The following MLANA variants were observed in gnomAD, a reference collection of about 807,000 sequenced individuals.
MLANA encodes melan-A, also known as melanoma antigen recognized by T-cells 1.
A neutral mutation model predicts 15.7 loss-of-function variants in MLANA; 21 were observed. The ratio of observed to expected loss-of-function variants is 1.33; its 90% CI spans 0.95 to 1.92. MLANA has a LOEUF of 1.92. MLANA is among the 40% of genes most tolerant of loss of function. The pLI, the probability that MLANA is intolerant of heterozygous loss-of-function variation, is 0.00. For missense variants in MLANA, 164 were observed against 143.8 expected, an observed-to-expected ratio of 1.14 and a Z score of -0.72; for synonymous variants, 56 against 51.5, an observed-to-expected ratio of 1.09 and a Z score of -0.37.
Position 5,908,624 on chromosome 9 carries a change from T to G in MLANA, c.289-16T>G, listed in dbSNP as rs770056915. The stretch of plus-strand genomic sequence containing the variant: ...ACTGTTGCCAAGCCCATATTCTCCC[T>G]TTCTTGTTCTCACAGGTTCCCAATG... On this transcript the variant is annotated splice_polypyrimidine_tract_variant and intron_variant, in intron 4 of 4. Coordinates refer to ENST00000381477, the MANE Select transcript of MLANA (RefSeq NM_005511.2). 1.2e-6 allele frequency: 2 copies of G among 1,612,034 alleles called. No homozygotes were observed. Among genetic ancestry groups the G allele is most frequent in the African/African-American group, 2.7e-5 (2 of 74,884 alleles).
At chr9:5,906,072 T>A (rs528114254) in intron 3 of MLANA, among the ~76,000 whole-genome samples, 13 of 151,894 alleles carry the variant, frequency 8.6e-5, no homozygotes, top group African/African-American at 2.9e-4. Flanking sequence ...GACAAATATG[T>A]TGGGTGCAGT....
chr9:5,900,065 T>C (rs1272195397), intron 3 of MLANA, among the ~76,000 whole-genome samples: 4 of 152,266 alleles, frequency 2.6e-5, no homozygotes, highest in African/African-American at 4.8e-5. Flanking sequence ...GAAGTAAAGC[T>C]ATACAAACTC....
At chr9:5,900,215 G>A (rs1178602050) in intron 3 of MLANA, among the ~76,000 whole-genome samples, 5 of 152,046 alleles carry the variant, frequency 3.3e-5, no homozygotes, top group Non-Finnish European at 7.4e-5. Context: ...TTAATGTCAT[G>A]TGCTCAGACA....
intron 4 of MLANA, among the ~76,000 whole-genome samples, chr9:5,908,115 C>T (rs1412855530): frequency 6.6e-6 from 1 of 152,172 alleles, no homozygotes; most frequent in African/African-American, 2.4e-5. Context: ...GTTGTGTGAC[C>T]ATGGGCAAGC....
intron 3 of MLANA, among the ~76,000 whole-genome samples, chr9:5,898,503 T>C (rs1283592220): frequency 6.6e-6 from 1 of 152,196 alleles, no homozygotes; most frequent in Non-Finnish European, 1.5e-5. Context: ...AAGTTTCCAA[T>C]ACACGAATTT....
intron 3 of MLANA, chr9:5,898,211 TA>T (rs940181808): frequency 6.6e-6 from 1 of 151,834 alleles, no homozygotes; most frequent in Non-Finnish European, 1.5e-5. Context: ...ACCGGCTAAT[TA>T]AAAAAAAACT....
At chr9:5,904,745 G>A (rs1023363266) in intron 3 of MLANA, among the ~76,000 whole-genome samples, 55 of 150,064 alleles carry the variant, frequency 3.7e-4, no homozygotes, top group Non-Finnish European at 6.6e-4. Context: ...GATTACAGGC[G>A]TGAGCCACCG....
chr9:5,902,003 A>C (rs1301175790), intron 3 of MLANA, among the ~76,000 whole-genome samples: 1 of 118,364 alleles, frequency 8.4e-6, no homozygotes, highest in Non-Finnish European at 2.0e-5. Context: ...GTCTGGTATT[A>C]GGGTAATGCT....
At chr9:5,901,653 G>T (rs991376049) in intron 3 of MLANA, among the ~76,000 whole-genome samples, 26 of 151,968 alleles carry the variant, frequency 1.7e-4, no homozygotes, top group African/African-American at 6.0e-4. Flanking sequence ...CAAGTAGCTG[G>T]GACCACAGGT....
chr9:5,897,703 T>C, intron 3 of MLANA, 50 bp downstream of exon 3: 2 of 1,433,418 alleles, frequency 1.4e-6, no homozygotes, highest in Non-Finnish European at 2.0e-6. Flanking sequence ...GGGCCCTCTT[T>C]CCAGTTCTTT....
chr9:5,896,922 C>T (rs377196655), intron 2 of MLANA, among the ~76,000 whole-genome samples: 4 of 152,264 alleles, frequency 2.6e-5, no homozygotes, highest in African/African-American at 7.2e-5. Context: ...AGGAGCAAAG[C>T]GGGGAGTTTA....
At chr9:5,900,769 AG>A (rs1832361764) in intron 3 of MLANA, among the ~76,000 whole-genome samples, 1 of 152,272 alleles carries the variant, frequency 6.6e-6, no homozygotes, top group Admixed American at 6.5e-5. Context: ...TTGTAGCAAC[AG>A]GAAGTGGGAA....
At position 5,910,294 on chromosome 9, in the gene MLANA, C is replaced by A. The variant is rs1224576908; in HGVS notation, c.*1586C>A. 1 of 152,092 alleles carries A rather than the reference C, an allele frequency of 6.6e-6. No individual in the cohort carries two copies. Among genetic ancestry groups the A allele is most frequent in the Non-Finnish European group, 1.5e-5 (1 of 68,024 alleles). The allele number at this position is 152,092 out of a possible 1,614,324, so 9.4% of individuals were successfully genotyped here. On this transcript the variant is annotated 3_prime_UTR_variant, in exon 5 of 5. Coordinates refer to ENST00000381477, the MANE Select transcript of MLANA (RefSeq NM_005511.2). Reference sequence around the variant, plus strand: ...TGTAACATAACTGCATCATTTTCTACTAAAGACAAAATTTCACCAAAGGGG... The same window carrying A: ...TGTAACATAACTGCATCATTTTCTAATAAAGACAAAATTTCACCAAAGGGG...
chr9:5,892,499 A>C lies in MLANA; in HGVS notation c.25A>C (p.Ile9Leu). 1 of 1,613,806 alleles carries C rather than the reference A, an allele frequency of 6.2e-7. No homozygotes were observed. The highest frequency in any genetic ancestry group is 8.5e-7 in the Non-Finnish European group (1 of 1,179,878). The stretch of plus-strand genomic sequence containing the variant: ...GATGCCAAGAGAAGATGCTCACTTC[A>C]TCTATGGTTACCCCAAGAAGGGGCA... The part of the protein sequence containing the change: MPREDAHF[I>L]YGYPKKGHGH... Residue 9 changes from isoleucine to leucine, a missense_variant, in exon 2 of 5, where the codon ATC becomes CTC. Coordinates refer to ENST00000381477, the MANE Select transcript of MLANA (RefSeq NM_005511.2).
chr9:5,902,337 C>T (rs10123990), intron 3 of MLANA, among the ~76,000 whole-genome samples: 7,256 of 152,238 alleles, frequency 0.048, 597 homozygotes, highest in African/African-American at 0.17. Flanking sequence ...ATTATTATTT[C>T]TGATAATAGT....
chr9:5,907,883 G>A (rs1832920447), intron 4 of MLANA, among the ~76,000 whole-genome samples: 1 of 152,200 alleles, frequency 6.6e-6, no homozygotes. Context: ...AACCCGGGAG[G>A]TGGAGGTTGC....
In MLANA at chr9:5,910,588, C is replaced by T. The variant is rs1206574890; in HGVS notation, c.*1880C>T. The T allele has an allele frequency of 6.6e-6, 1 of 152,272 alleles. No individual in the cohort carries two copies. The highest frequency in any genetic ancestry group is 1.5e-5 in the Non-Finnish European group (1 of 68,102). 9.4% of individuals were successfully genotyped at this position (152,272 alleles called of 1,614,324 possible). A position where few individuals can be genotyped will look rare whatever the true frequency, so the allele number is the denominator to read the frequency against. On this transcript the variant is annotated 3_prime_UTR_variant, in exon 5 of 5. Transcript: ENST00000381477. The stretch of plus-strand genomic sequence containing the variant: ...AACCTGTGGCTTGAACCCTACATCC[C>T]TCCAGAACCCCCAGACTGTCACTCA...
At chr9:5,901,746 T>G (rs1435070170) in intron 3 of MLANA, among the ~76,000 whole-genome samples, 1 of 152,166 alleles carries the variant, frequency 6.6e-6, no homozygotes, top group African/African-American at 2.4e-5. Flanking sequence ...GGTCTCAAAC[T>G]CCTGAGCACA....
chr9:5,907,209 T>A (rs773315080), intron 4 of MLANA: 1 of 326,698 alleles, frequency 3.1e-6, no homozygotes. Flanking sequence ...GAAGTACAGA[T>A]ATTTTCTTAA....
Sources: gnomAD v4.1 joint callset for allele counts (sites outside exome capture counted in the v4.1 genomes callset) on GRCh38, gnomAD v4.1.1 for gene constraint, MANE v1.5 for transcripts, NCBI Gene and HGNC (gene_info 2026-07-23, HGNC 2026-07-21) for gene names.